Variants in DAB1 observed in about 807,000 individuals in gnomAD.
The protein encoded by DAB1 is DAB adaptor protein 1.
Under a neutral mutation model 64.6 loss-of-function variants are expected in DAB1, and 15 were observed. That is an observed-to-expected ratio of 0.23 (90% CI 0.16 to 0.36). The LOEUF (loss-of-function observed/expected upper bound fraction) is 0.36, where lower values mean the gene tolerates loss of function less well. Among genes scored for constraint, DAB1 ranks in the 10% least tolerant of loss-of-function variants. The probability of loss-of-function intolerance (pLI) is 1.00; values close to 1 mark genes in which losing one functional copy is unlikely to be tolerated. For missense variants in DAB1, 596 were observed against 706.7 expected (o/e 0.84, Z 1.78); for synonymous variants, 235 against 251.9 (o/e 0.93, Z 0.64).
At chr1:57,174,285 T>C (rs2100937108) in intron 2 of DAB1, among the ~76,000 whole-genome samples, 1 of 152,300 alleles carries the variant, frequency 6.6e-6, no homozygotes, top group Middle Eastern at 3.4e-3. Context: ...CAATACCAGA[T>C]ACAGACCTGG....
intron 7 of DAB1, among the ~76,000 whole-genome samples, chr1:57,495,407 G>A (rs1004655565): frequency 2.2e-4 from 33 of 152,244 alleles, no homozygotes; most frequent in African/African-American, 7.7e-4. Context: ...TTTTCTGAGT[G>A]CAAATAACTT....
chr1:57,664,725 G>A (rs1187538267), intron 6 of DAB1, among the ~76,000 whole-genome samples: 1 of 151,860 alleles, frequency 6.6e-6, no homozygotes, highest in Non-Finnish European at 1.5e-5. Flanking sequence ...CAGTGGTCTG[G>A]ATAAATAAAT....
intron 7 of DAB1, among the ~76,000 whole-genome samples, chr1:57,526,262 A>G (rs1644592488): frequency 6.6e-6 from 1 of 152,168 alleles, no homozygotes; most frequent in Non-Finnish European, 1.5e-5. Context: ...TAAGAAAGAA[A>G]GATAATCACT....
chr1:57,639,012 C>T (rs866208691), intron 7 of DAB1, among the ~76,000 whole-genome samples: 3 of 85,186 alleles, frequency 3.5e-5, no homozygotes, highest in East Asian at 3.9e-4. Context: ...TAAAGTTCTT[C>T]ATAAAGAACT....
At chr1:57,507,125 C>T (rs543869876) in intron 7 of DAB1, among the ~76,000 whole-genome samples, 2 of 152,156 alleles carry the variant, frequency 1.3e-5, no homozygotes, top group Admixed American at 6.5e-5. Context: ...CCAGGATAAA[C>T]GCCAAAGTCC....
At chr1:58,204,295 T>C (rs543075745) in intron 4 of DAB1, among the ~76,000 whole-genome samples, 2 of 152,320 alleles carry the variant, frequency 1.3e-5, no homozygotes, top group South Asian at 2.1e-4. Flanking sequence ...ATGAAAATAA[T>C]AGAACCGAAT....
downstream of DAB1, among the ~76,000 whole-genome samples, chr1:57,822,733 A>T (rs553691822): frequency 1.3e-5 from 2 of 152,358 alleles, no homozygotes; most frequent in African/African-American, 4.8e-5. Flanking sequence ...TGCATTTTCT[A>T]GTAGCCACAT....
intron 6 of DAB1, among the ~76,000 whole-genome samples, chr1:57,706,002 A>G (rs1277941857): frequency 6.6e-6 from 1 of 150,664 alleles, no homozygotes; most frequent in Non-Finnish European, 1.5e-5. Context: ...TCAAATATAT[A>G]ATTTAAGGTA....
In DAB1 at chr1:57,965,114, C is replaced by T. The variant is rs149418710; in HGVS notation, n.388-80952G>A. Among the ~76,000 whole-genome samples, 429 of 130,058 alleles carry T rather than the reference C, an allele frequency of 3.3e-3. 4 individuals carry two copies. Among genetic ancestry groups the T allele is most frequent in the African/African-American group, 0.01 (396 of 38,836 alleles). 85.3% of individuals were successfully genotyped at this position (130,058 alleles called of 152,430 possible). A position where few individuals can be genotyped will look rare whatever the true frequency, so the allele number is the denominator to read the frequency against. On this transcript the variant is annotated intron_variant and non_coding_transcript_variant, in intron 5 of 20. Coordinates refer to the DAB1 transcript ENST00000485760. ...GTATTGAAGGCCACACAATAGACAG[C>T]GTGAGTAGCTGGTAGGAATACAGAA...
At chr1:58,029,976 C>T (rs567514888) in intron 5 of DAB1, among the ~76,000 whole-genome samples, 17 of 152,218 alleles carry the variant, frequency 1.1e-4, no homozygotes, top group Non-Finnish European at 1.6e-4. Context: ...GAGGCTGAGA[C>T]GGGCAGATCA....
At chr1:57,422,051 T>A (rs904905206) in intron 1 of DAB1, among the ~76,000 whole-genome samples, 4 of 152,080 alleles carry the variant, frequency 2.6e-5, no homozygotes, top group Admixed American at 6.5e-5. Flanking sequence ...GGGGTGGGGA[T>A]GGTTTGTAAT....
intron 4 of DAB1, among the ~76,000 whole-genome samples, chr1:58,258,152 C>T (rs1031534648): frequency 1.3e-5 from 2 of 152,072 alleles, no homozygotes; most frequent in South Asian, 2.1e-4. Context: ...CGGCGGGTGT[C>T]TTCGCACACC....
chr1:57,036,954 A>AT (rs1178244314), intron 9 of DAB1, among the ~76,000 whole-genome samples: 1 of 152,168 alleles, frequency 6.6e-6, no homozygotes, highest in Non-Finnish European at 1.5e-5. Flanking sequence ...GGGACTTGGG[A>AT]TAAAAAAAAT....
chr1:58,496,715 G>T (rs1382721594), intron 3 of DAB1, among the ~76,000 whole-genome samples: 1 of 152,060 alleles, frequency 6.6e-6, no homozygotes, highest in Non-Finnish European at 1.5e-5. Flanking sequence ...TTACCGTTCT[G>T]ATTTTTTAAA....
chr1:58,183,214 G>A (rs1656891730), intron 4 of DAB1, among the ~76,000 whole-genome samples: 3 of 151,984 alleles, frequency 2.0e-5, no homozygotes, highest in Admixed American at 1.3e-4. Flanking sequence ...ATCTGTTTGT[G>A]GGTTGGAGAA....
rs1024832250 is a variant in DAB1, at chr1:58,155,369, G to A, written n.310-4781C>T. The stretch of plus-strand genomic sequence containing the variant: ...GATTGGTACTACAATTTAGGACAGG[G>A]TGCTGCTGAACATCCTATAACACAC... On this transcript the variant is annotated intron_variant and non_coding_transcript_variant, in intron 4 of 20. Coordinates refer to the DAB1 transcript ENST00000485760. Among the ~76,000 whole-genome samples the A allele has an allele frequency of 5.9e-5, 9 of 152,276 alleles. 1 individual carries two copies. The South Asian group carries it at 8.3e-4, about 14-fold the overall frequency.
intron 2 of DAB1, among the ~76,000 whole-genome samples, chr1:57,161,076 T>G (rs1396327967): frequency 1.3e-5 from 2 of 152,110 alleles, no homozygotes; most frequent in Non-Finnish European, 2.9e-5. Context: ...GAATTTGCTG[T>G]AGTGTCCTAC....
rs556004906 is a variant in DAB1 at position 57,735,326 on chromosome 1, T to A, written n.552-85661A>T. 3.3e-5 allele frequency among the ~76,000 whole-genome samples: 5 copies of A among 152,334 alleles called. No individual in the cohort carries two copies. The South Asian group carries it at 1.0e-3, about 32-fold the overall frequency. On this transcript the variant is annotated intron_variant and non_coding_transcript_variant, in intron 6 of 20. Transcript: ENST00000485760. Reference sequence around the variant, plus strand: ...ACTTCAGTTTCTGCTCTATAAATTGTGAATAAGAATAATTCCTGCCCCTGC... The same window carrying A: ...ACTTCAGTTTCTGCTCTATAAATTGAGAATAAGAATAATTCCTGCCCCTGC...
intron 1 of DAB1, among the ~76,000 whole-genome samples, chr1:57,360,452 T>C (rs1359486282): frequency 6.6e-6 from 1 of 152,112 alleles, no homozygotes; most frequent in Non-Finnish European, 1.5e-5. Context: ...AATGACAAGA[T>C]TGATAGCTCA....
Sources: gnomAD v4.1 joint callset for allele counts (sites outside exome capture counted in the v4.1 genomes callset) on GRCh38, gnomAD v4.1.1 for gene constraint, MANE v1.5 for transcripts, NCBI Gene and HGNC (gene_info 2026-07-23, HGNC 2026-07-21) for gene names.